The following SCAF4 variants were observed in gnomAD, a reference collection of about 807,000 sequenced individuals.
SCAF4 encodes SR-related CTD associated factor 4, also known as SR-related and CTD-associated factor 4.
A neutral mutation model predicts 129.8 loss-of-function variants in SCAF4; 25 were observed. That is an observed-to-expected ratio of 0.19 (90% confidence interval 0.14 to 0.27). The LOEUF (loss-of-function observed/expected upper bound fraction) is 0.27. SCAF4 is among the 10% of genes least tolerant of loss of function. SCAF4 has a pLI of 1.00. For synonymous variants in SCAF4, 551 were observed against 497.7 expected (o/e 1.11, Z -1.43); for missense variants, 1,246 against 1,457.1 (o/e 0.86, Z 2.36).
chr21:31,672,000 TGTGGCTGCTGCG>T lies in SCAF4; in HGVS notation c.2831_2842del (p.Pro944_Pro947del), dbSNP rs1281859452. The stretch of plus-strand genomic sequence containing the variant: ...GGGCGCCTGCGGCTGTGGCTGCTGC[TGTGGCTGCTGCG>T]GCGGCTGTTGCCTTCCGTCTCTGTC... On this transcript the variant is annotated inframe_deletion, in exon 20 of 20. Transcript: ENST00000286835. 1 of 1,613,056 alleles carries T rather than the reference TGTGGCTGCTGCG, an allele frequency of 6.2e-7. No individual in the cohort carries two copies. Among genetic ancestry groups the T allele is most frequent in the Non-Finnish European group, 8.5e-7 (1 of 1,179,338 alleles).
chr21:31,701,280 A>G lies in SCAF4; in HGVS notation c.601-109T>C, dbSNP rs566091150. 11 of 919,800 alleles carry G rather than the reference A, an allele frequency of 1.2e-5. No homozygotes were observed. In the East Asian group the frequency reaches 1.6e-4, roughly 14 times the overall value. The allele number at this position is 919,800 out of a possible 1,614,324, so 57.0% of individuals were successfully genotyped here. A position where few individuals can be genotyped will look rare whatever the true frequency, so the allele number is the denominator to read the frequency against. The stretch of plus-strand genomic sequence containing the variant: ...AGGTGATTCAAAGTAGCATAGGCAC[A>G]GAACAAATTGGGGAAAAAATCCTTT... On this transcript the variant is annotated intron_variant, in intron 6 of 19. Coordinates refer to ENST00000286835, the MANE Select transcript of SCAF4 (RefSeq NM_020706.2).
intron 1 of SCAF4, among the ~76,000 whole-genome samples, chr21:31,714,382 T>A (rs1439845795): frequency 6.6e-6 from 1 of 152,150 alleles, no homozygotes; most frequent in Non-Finnish European, 1.5e-5. Flanking sequence ...AAGACTTCTT[T>A]AGAAGGGATA....
intron 15 of SCAF4, among the ~76,000 whole-genome samples, chr21:31,688,945 C>T (rs970625972): frequency 6.6e-6 from 1 of 152,182 alleles, no homozygotes; most frequent in Non-Finnish European, 1.5e-5. Context: ...TTAAACTTCC[C>T]ACCTATTTCC....
chr21:31,689,839 G>A (rs2050216720), intron 15 of SCAF4, among the ~76,000 whole-genome samples: 1 of 151,798 alleles, frequency 6.6e-6, no homozygotes, highest in Non-Finnish European at 1.5e-5. Context: ...GGAGGCTGAG[G>A]CAGGAGAATC....
intron 1 of SCAF4, among the ~76,000 whole-genome samples, chr21:31,715,830 C>T (rs1302342295): frequency 6.6e-6 from 1 of 152,106 alleles, no homozygotes; most frequent in Non-Finnish European, 1.5e-5. Context: ...GTCATCCTGC[C>T]CATATTTTTC....
Position 31,731,735 on chromosome 21 carries a change from T to C in SCAF4, c.-43A>G, listed in dbSNP as rs200401131. On this transcript the variant is annotated 5_prime_UTR_variant, in exon 1 of 20. It removes an upstream start codon present in the reference 5' UTR. Coordinates refer to ENST00000286835, the MANE Select transcript of SCAF4 (RefSeq NM_020706.2). ...GGCTGCTCCGGGCCCGCCGGTCACA[T>C]AGACCTCGCGCCGCGGCGGAGCGGG... 3.8e-4 allele frequency: 596 copies of C among 1,558,930 alleles called. 1 individual carries two copies. The highest frequency in any genetic ancestry group is 4.6e-4 in the Non-Finnish European group (535 of 1,160,216).
chr21:31,709,434 T>C (rs1296120493), intron 1 of SCAF4, among the ~76,000 whole-genome samples: 2 of 151,494 alleles, frequency 1.3e-5, no homozygotes, highest in Non-Finnish European at 2.9e-5. Context: ...TTAGAGTAAA[T>C]TTTAAGGAAA....
chr21:31,688,523 C>A (rs2050184208), intron 15 of SCAF4, 59 bp from the exon 16 acceptor site: 19 of 1,410,188 alleles, frequency 1.3e-5, no homozygotes, highest in Non-Finnish European at 1.9e-5. Flanking sequence ...AACTTTAAAT[C>A]TAGAAATGAA....
At chr21:31,694,094 CAACT>C in intron 11 of SCAF4, 106 bp downstream of exon 11, 1 of 611,774 alleles carries the variant, frequency 1.6e-6, no homozygotes, top group Admixed American at 2.9e-5. Flanking sequence ...ACAAACATAC[CAACT>C]GTTATTTTAC....
chr21:31,731,094 G>A (rs2051341530), intron 1 of SCAF4, among the ~76,000 whole-genome samples: 1 of 152,198 alleles, frequency 6.6e-6, no homozygotes, highest in Non-Finnish European at 1.5e-5. Context: ...TCCCAAGTGC[G>A]TGAATCCCGG....
chr21:31,684,903 C>G, intron 19 of SCAF4, 146 bp downstream of exon 19: 1 of 578,598 alleles, frequency 1.7e-6, no homozygotes, highest in Non-Finnish European at 3.0e-6. Flanking sequence ...AACAAACAAA[C>G]AAACAAAACA....
chr21:31,672,379 G>A, intron 19 of SCAF4, 25 bp from the exon 20 acceptor site: 2 of 1,556,034 alleles, frequency 1.3e-6, no homozygotes, highest in Non-Finnish European at 1.8e-6. Flanking sequence ...AAATAAAAAT[G>A]TAAACACCAC....
In SCAF4 at chr21:31,732,093, C is replaced by G. The variant is rs1300792964; in HGVS notation, c.-401G>C. Reference sequence around the variant, plus strand: ...CTCCAGCGGGATGGCGGCAGCGGCCCGAGTCCACGCCGCGCGGGGCACCCT... The same window carrying G: ...CTCCAGCGGGATGGCGGCAGCGGCCGGAGTCCACGCCGCGCGGGGCACCCT... On this transcript the variant is annotated 5_prime_UTR_variant, in exon 1 of 20. Coordinates refer to ENST00000286835, the MANE Select transcript of SCAF4 (RefSeq NM_020706.2). 2.5e-6 allele frequency: 1 copy of G among 407,270 alleles called. No individual in the cohort carries two copies. The highest frequency in any genetic ancestry group is 4.5e-5 in the Admixed American group (1 of 22,464). 25.2% of individuals were successfully genotyped at this position (407,270 alleles called of 1,614,324 possible).
chr21:31,723,504 T>G (rs2051122324), intron 1 of SCAF4, among the ~76,000 whole-genome samples: 1 of 152,084 alleles, frequency 6.6e-6, no homozygotes, highest in Admixed American at 6.6e-5. Flanking sequence ...AAAAATCCTG[T>G]AACATTTGTA....
intron 1 of SCAF4, among the ~76,000 whole-genome samples, chr21:31,718,942 A>G (rs2051003978): frequency 6.6e-6 from 1 of 152,212 alleles, no homozygotes; most frequent in Non-Finnish European, 1.5e-5. Flanking sequence ...TAATAAATAT[A>G]ACACCATTTT....
intron 19 of SCAF4, 70 bp downstream of exon 19, chr21:31,684,979 C>G: frequency 1.8e-6 from 1 of 552,076 alleles, no homozygotes; most frequent in Non-Finnish European, 3.0e-6. Flanking sequence ...AAAAATCTAA[C>G]TTGGGGATGG....
rs1262557973 is a variant in SCAF4 at position 31,671,861 on chromosome 21, A to G, written c.2982T>C (p.Gly994=). Residue 994 remains glycine, a synonymous_variant, in exon 20 of 20, where the codon GGT becomes GGC. Transcript: ENST00000286835. ...RNDNRQQFNS[G]RDQERFGRRS... ...TTCTTCCAAACCTTTCTTGGTCTCT[A>G]CCTGAATTGAACTGCTGCCTGTTAT... is the stretch of plus-strand genomic sequence containing the variant. The G allele has an allele frequency of 1.9e-6, 3 of 1,613,704 alleles. No individual in the cohort carries two copies. Among genetic ancestry groups the G allele is most frequent in the African/African-American group, 2.7e-5 (2 of 74,866 alleles).
intron 9 of SCAF4, among the ~76,000 whole-genome samples, chr21:31,695,374 T>C (rs1191840388): frequency 2.6e-5 from 4 of 152,104 alleles, no homozygotes; most frequent in Non-Finnish European, 4.4e-5. Flanking sequence ...CAATGACTTC[T>C]AGGTTTACTT....
chr21:31,679,909 T>C (rs2049957182), intron 19 of SCAF4, among the ~76,000 whole-genome samples: 1 of 152,220 alleles, frequency 6.6e-6, no homozygotes. Context: ...ATTGACAAAG[T>C]GCAATAGCTA....
Sources: allele counts gnomAD v4.1 joint callset (sites outside exome capture counted in the v4.1 genomes callset), GRCh38; gene constraint gnomAD v4.1.1; transcripts MANE v1.5; gene names NCBI Gene and HGNC (gene_info 2026-07-23, HGNC 2026-07-21).